The following SWT1 variants were observed in gnomAD, a reference collection of about 807,000 sequenced individuals.
The protein encoded by SWT1 is SWT1 RNA endoribonuclease homolog, also known as transcriptional protein SWT1.
A neutral mutation model predicts 107.3 loss-of-function variants in SWT1; 33 were observed. The ratio of observed to expected loss-of-function variants is 0.31; its 90% CI spans 0.23 to 0.41. The LOEUF is 0.41. SWT1 is among the 10% of genes least tolerant of loss of function. The pLI is 1.00. For missense variants in SWT1, 898 were observed against 1,028.9 expected (o/e 0.87, Z 1.74); for synonymous variants, 345 against 348.3 (o/e 0.99, Z 0.11).
In SWT1 at chr1:185,276,686, A is replaced by C; in HGVS notation, c.2573+18A>C. ...GAGTATAGGTAAGTCATATCTATATATAGATATAAACCATTGTAACAAGCT... is the reference window on the plus strand; with the variant it reads ...GAGTATAGGTAAGTCATATCTATATCTAGATATAAACCATTGTAACAAGCT... On this transcript the variant is annotated intron_variant, in intron 18 of 18. Coordinates refer to ENST00000367500, the MANE Select transcript of SWT1 (RefSeq NM_017673.7). The C allele has an allele frequency of 1.4e-6, 2 of 1,396,970 alleles. No homozygotes were observed. The highest frequency in any genetic ancestry group is 2.0e-6 in the Non-Finnish European group (2 of 998,892). 86.5% of individuals were successfully genotyped at this position (1,396,970 alleles called of 1,614,324 possible).
rs375440846 is a variant in SWT1, at chr1:185,190,407, C to T, written c.1430-142C>T. ...GTGGATTTGGACAAATGTATAATGA[C>T]GTGTGTCCACCATCATAGTATCATA... On this transcript the variant is annotated intron_variant, in intron 9 of 18. Transcript: ENST00000367500. 4.8e-4 allele frequency: 273 copies of T among 564,586 alleles called. 2 individuals are homozygous for T. The highest frequency in any genetic ancestry group is 4.7e-3 in the African/African-American group (254 of 53,576). 35.0% of individuals were successfully genotyped at this position (564,586 alleles called of 1,614,324 possible). A position where few individuals can be genotyped will look rare whatever the true frequency, so the allele number is the denominator to read the frequency against.
chr1:185,245,335 T>C (rs938565075), intron 16 of SWT1, among the ~76,000 whole-genome samples: 11 of 152,140 alleles, frequency 7.2e-5, no homozygotes, highest in Admixed American at 1.3e-4. Context: ...TCAGTGTCAC[T>C]GTCTTCCACC....
At chr1:185,285,422 A>C (rs536020612) in intron 18 of SWT1, among the ~76,000 whole-genome samples, 189 of 152,254 alleles carry the variant, frequency 1.2e-3, no homozygotes, top group Non-Finnish European at 2.3e-3. Context: ...GCGGTTCAAC[A>C]TGTTATATAT....
intron 5 of SWT1, among the ~76,000 whole-genome samples, chr1:185,178,727 G>A (rs1301746808): frequency 6.6e-6 from 1 of 152,056 alleles, no homozygotes; most frequent in East Asian, 1.9e-4. Context: ...AATAATCTCT[G>A]GCTTGTTTGG....
chr1:185,246,667 T>C (rs1410787769), intron 16 of SWT1, among the ~76,000 whole-genome samples: 1 of 149,854 alleles, frequency 6.7e-6, no homozygotes. Context: ...TCTCACTTTG[T>C]CATCCAGGCT....
chr1:185,233,853 C>T (rs1295710635), intron 16 of SWT1, among the ~76,000 whole-genome samples: 3 of 152,142 alleles, frequency 2.0e-5, no homozygotes, highest in Non-Finnish European at 4.4e-5. Flanking sequence ...ATGCCATTCT[C>T]CTGCCTCAGC....
chr1:185,193,156 T>G (rs1395345549), intron 10 of SWT1, among the ~76,000 whole-genome samples: 1 of 152,206 alleles, frequency 6.6e-6, no homozygotes, highest in East Asian at 1.9e-4. Context: ...CATAGGTTAT[T>G]TAGATGTTTG....
At chr1:185,187,798 C>T (rs756506767) in intron 9 of SWT1, among the ~76,000 whole-genome samples, 121 of 152,262 alleles carry the variant, frequency 7.9e-4, no homozygotes, top group Non-Finnish European at 1.4e-3. Context: ...GTGCGATTCT[C>T]CTGCCTCAGC....
chr1:185,171,664 CTTT>C, intron 4 of SWT1: 6 of 450,868 alleles, frequency 1.3e-5, no homozygotes, highest in Admixed American at 4.6e-5. Context: ...GAACCTGCTT[CTTT>C]TTTTTTTGCC....
chr1:185,179,199 G>A (rs553364125), intron 5 of SWT1, among the ~76,000 whole-genome samples: 1 of 152,252 alleles, frequency 6.6e-6, no homozygotes, highest in East Asian at 1.9e-4. Flanking sequence ...AACCCGGGAG[G>A]TGGAGGTTGT....
At chr1:185,166,381 T>G (rs975207901) in intron 2 of SWT1, among the ~76,000 whole-genome samples, 191 bp from the exon 3 acceptor site, 7 of 152,224 alleles carry the variant, frequency 4.6e-5, no homozygotes, top group Non-Finnish European at 8.8e-5. Context: ...TTGTGAGCAT[T>G]TAGGGGTTCT....
intron 2 of SWT1, among the ~76,000 whole-genome samples, chr1:185,161,905 G>A (rs1260317141): frequency 4.6e-5 from 7 of 152,126 alleles, no homozygotes; most frequent in Admixed American, 4.6e-4. Flanking sequence ...CAAGATGAGA[G>A]ACTAATCTGG....
rs1450962639 is a variant in SWT1, at chr1:185,166,569, T to C, written c.85-3T>C. ...AAATTCATTTTCTTTATTGCATTCT[T>C]AGGACAAGAAAGAGAGAAAAACCCC... On this transcript the variant is annotated splice_region_variant and splice_polypyrimidine_tract_variant and intron_variant, in intron 2 of 18. Coordinates refer to ENST00000367500, the MANE Select transcript of SWT1 (RefSeq NM_017673.7). 8 of 1,579,512 alleles carry C rather than the reference T, an allele frequency of 5.1e-6. No homozygotes were observed. Among genetic ancestry groups the C allele is most frequent in the Non-Finnish European group, 6.1e-6 (7 of 1,154,850 alleles).
intron 1 of SWT1, among the ~76,000 whole-genome samples, chr1:185,159,174 A>T (rs998580171): frequency 2.9e-4 from 44 of 152,182 alleles, no homozygotes; most frequent in African/African-American, 8.7e-4. Flanking sequence ...TATCTTATTG[A>T]TTACACAGGT....
At chr1:185,275,403 T>C (rs1664172565) in intron 17 of SWT1, among the ~76,000 whole-genome samples, 2 of 149,836 alleles carry the variant, frequency 1.3e-5, no homozygotes, top group Admixed American at 1.3e-4. Flanking sequence ...GTAAATTATA[T>C]ACCAATTTCA....
intron 16 of SWT1, among the ~76,000 whole-genome samples, chr1:185,247,661 A>G (rs1384772977): frequency 6.6e-6 from 1 of 152,164 alleles, no homozygotes; most frequent in Non-Finnish European, 1.5e-5. Flanking sequence ...AGGGTGATGT[A>G]GGGGAAAGCA....
chr1:185,248,679 G>A (rs547016959), intron 16 of SWT1, among the ~76,000 whole-genome samples: 11 of 151,096 alleles, frequency 7.3e-5, no homozygotes, highest in African/African-American at 2.7e-4. Context: ...CTCTCTTCAT[G>A]CTGAGATATG....
chr1:185,188,053 G>A lies in SWT1; in HGVS notation c.1430-2496G>A, dbSNP rs1340709005. ...TAAGCATTCACTATTGCCATACACTGGGCTAAATACTTTATATACATTTTC... is the reference window on the plus strand; with the variant it reads ...TAAGCATTCACTATTGCCATACACTAGGCTAAATACTTTATATACATTTTC... On this transcript the variant is annotated intron_variant, in intron 9 of 18. Coordinates refer to ENST00000367500, the MANE Select transcript of SWT1 (RefSeq NM_017673.7). Among the ~76,000 whole-genome samples the A allele has an allele frequency of 2.0e-5, 3 of 152,062 alleles. No homozygotes were observed. In the East Asian group the frequency reaches 5.8e-4, roughly 29 times the overall value.
At chr1:185,185,530 A>G (rs1379230058) in intron 9 of SWT1, among the ~76,000 whole-genome samples, 1 of 152,162 alleles carries the variant, frequency 6.6e-6, no homozygotes, top group African/African-American at 2.4e-5. Context: ...TGGAGTTTAT[A>G]CATATATATT....
Sources: allele counts gnomAD v4.1 joint callset (sites outside exome capture counted in the v4.1 genomes callset), GRCh38; gene constraint gnomAD v4.1.1; transcripts MANE v1.5; gene names NCBI Gene and HGNC (gene_info 2026-07-23, HGNC 2026-07-21).